The following LONP2 variants were observed in gnomAD, a reference collection of about 807,000 sequenced individuals.
The protein encoded by LONP2 is lon peptidase 2, peroxisomal.
Under a neutral mutation model 85.6 loss-of-function variants are expected in LONP2, and 60 were observed. That is an observed-to-expected ratio of 0.70 (90% confidence interval 0.57 to 0.87). LONP2 has a LOEUF of 0.87. Among genes scored for constraint, LONP2 ranks in the 40% least tolerant of loss-of-function variants. LONP2 has a pLI of 0.00. For missense variants in LONP2, 860 were observed against 1,063.5 expected (o/e 0.81, Z 2.66); for synonymous variants, 395 against 389.7 (o/e 1.01, Z -0.16).
At chr16:48,250,782 C>G (rs1971625372) in intron 1 of LONP2, among the ~76,000 whole-genome samples, 1 of 152,198 alleles carries the variant, frequency 6.6e-6, no homozygotes. Flanking sequence ...TGGCTCACTT[C>G]CTCAGGCAAT....
chr16:48,338,894 C>G (rs1416678713), intron 12 of LONP2, among the ~76,000 whole-genome samples: 1 of 152,012 alleles, frequency 6.6e-6, no homozygotes, highest in African/African-American at 2.4e-5. Context: ...GGTGACAGAA[C>G]AAGACCCTGT....
chr16:48,290,603 G>A (rs1972540314), intron 8 of LONP2, among the ~76,000 whole-genome samples: 1 of 152,130 alleles, frequency 6.6e-6, no homozygotes, highest in East Asian at 1.9e-4. Context: ...CAATTTACTT[G>A]CATTTACTGG....
chr16:48,348,893 A>T (rs1960055969), intron 14 of LONP2, among the ~76,000 whole-genome samples: 2 of 152,192 alleles, frequency 1.3e-5, no homozygotes, highest in Admixed American at 6.5e-5. Context: ...GTTCTACTTG[A>T]CAAATTGTTA....
At chr16:48,289,778 T>C (rs1972522561) in intron 8 of LONP2, among the ~76,000 whole-genome samples, 1 of 152,222 alleles carries the variant, frequency 6.6e-6, no homozygotes, top group Non-Finnish European at 1.5e-5. Context: ...ATACTAATAT[T>C]TTCTACTTGC....
intron 12 of LONP2, 70 bp from the exon 13 acceptor site, chr16:48,347,437 G>A: frequency 2.0e-6 from 3 of 1,484,548 alleles, no homozygotes; most frequent in Non-Finnish European, 2.8e-6. Context: ...GCCGACTCTT[G>A]CAGGATTGTG....
intron 9 of LONP2, among the ~76,000 whole-genome samples, chr16:48,297,094 G>A (rs894786334): frequency 6.6e-6 from 1 of 151,588 alleles, no homozygotes; most frequent in Non-Finnish European, 1.5e-5. Flanking sequence ...TGCAGCCTCC[G>A]CCTCCGAAGT....
chr16:48,330,597 T>C (rs1959406936), intron 11 of LONP2, among the ~76,000 whole-genome samples: 1 of 152,192 alleles, frequency 6.6e-6, no homozygotes, highest in Non-Finnish European at 1.5e-5. Context: ...GTTGGTTGTT[T>C]GTTTTATAAT....
In LONP2 at chr16:48,355,976, A is replaced by G. The variant is rs1190254924; in HGVS notation, c.*4174A>G. On this transcript the variant is annotated 3_prime_UTR_variant, in exon 15 of 15. Coordinates refer to ENST00000285737, the MANE Select transcript of LONP2 (RefSeq NM_031490.5). ...TGCTTTGCTTATCAAGAAATCCTAC[A>G]CTGTCCACTGGAGACATCCATGTTT... 8 of 152,148 alleles carry G rather than the reference A, an allele frequency of 5.3e-5. No homozygotes were observed. The highest frequency in any genetic ancestry group is 5.2e-4 in the Admixed American group (8 of 15,258). 9.4% of individuals were successfully genotyped at this position (152,148 alleles called of 1,614,324 possible).
At chr16:48,252,887 C>A (rs1971683825) in intron 2 of LONP2, among the ~76,000 whole-genome samples, 1 of 152,158 alleles carries the variant, frequency 6.6e-6, no homozygotes, top group Admixed American at 6.5e-5. Context: ...AATTCTAGTT[C>A]TTTTTGGTTA....
At chr16:48,306,558 A>G (rs1031513363) in intron 11 of LONP2, among the ~76,000 whole-genome samples, 1 of 152,200 alleles carries the variant, frequency 6.6e-6, no homozygotes, top group Non-Finnish European at 1.5e-5. Flanking sequence ...TAGAATAAAT[A>G]CTTGTCTCTT....
downstream of LONP2, chr16:48,361,717 C>A: frequency 1.2e-6 from 2 of 1,614,210 alleles, no homozygotes; most frequent in Non-Finnish European, 1.7e-6. Flanking sequence ...CGAGGAGTCG[C>A]TTCCCAAGTC....
chr16:48,272,446 A>G (rs1186368554), intron 7 of LONP2, among the ~76,000 whole-genome samples: 1 of 152,160 alleles, frequency 6.6e-6, no homozygotes, highest in Non-Finnish European at 1.5e-5. Flanking sequence ...TTACTGACAT[A>G]TAAAATTTGT....
At position 48,268,404 on chromosome 16, in the gene LONP2, C is replaced by A. The variant is rs575501244; in HGVS notation, c.983-1612C>A. On this transcript the variant is annotated intron_variant, in intron 6 of 14. Transcript: ENST00000285737. Reference sequence around the variant, plus strand: ...ATGGATAACGCATTATAACAAGTACCTTTTTAGGTACAAGATGATATTTTG... The same window carrying A: ...ATGGATAACGCATTATAACAAGTACATTTTTAGGTACAAGATGATATTTTG... Among the ~76,000 whole-genome samples, 10 of 152,162 alleles carry A rather than the reference C, an allele frequency of 6.6e-5. No individual in the cohort carries two copies. The South Asian group carries it at 1.9e-3, about 28-fold the overall frequency.
At chr16:48,254,495 C>G (rs1484743695) in intron 2 of LONP2, among the ~76,000 whole-genome samples, 2 of 152,048 alleles carry the variant, frequency 1.3e-5, no homozygotes, top group Non-Finnish European at 2.9e-5. Flanking sequence ...TCCCAAGTAG[C>G]TGGCATTACA....
Position 48,309,905 on chromosome 16 carries a change from T to C in LONP2, c.1795+6600T>C, listed in dbSNP as rs968425905. Among the ~76,000 whole-genome samples the C allele has an allele frequency of 6.6e-5, 10 of 152,292 alleles. No individual in the cohort carries two copies. In the South Asian group the frequency reaches 2.1e-3, roughly 32 times the overall value. On this transcript the variant is annotated intron_variant, in intron 11 of 14. Coordinates refer to ENST00000285737, the MANE Select transcript of LONP2 (RefSeq NM_031490.5). ...TCTTTGTTGACTTTGTCTGTCTCAGTGTTGAAGTCCCACATTTTGTATTGC... is the reference window on the plus strand; with the variant it reads ...TCTTTGTTGACTTTGTCTGTCTCAGCGTTGAAGTCCCACATTTTGTATTGC...
At chr16:48,262,690 A>G in intron 5 of LONP2, 88 bp from the exon 6 acceptor site, 1 of 784,774 alleles carries the variant, frequency 1.3e-6, no homozygotes, top group Non-Finnish European at 2.1e-6. Flanking sequence ...TGATATATCT[A>G]ACCAAGAAAG....
chr16:48,252,504 G>T, intron 2 of LONP2, 139 bp downstream of exon 2: 1 of 512,270 alleles, frequency 2.0e-6, no homozygotes. Context: ...TATTAATTCT[G>T]ATTTACTCTT....
chr16:48,353,184 TAA>T lies in LONP2; in HGVS notation c.*1384_*1385del, dbSNP rs1960203994. ...ATTACACAATATAAGAATATGTATG[TAA>T]AGACATTTTGGAATTTCCTGGATGA... On this transcript the variant is annotated 3_prime_UTR_variant, in exon 15 of 15. Transcript: ENST00000285737. 2 of 152,188 alleles carry T rather than the reference TAA, an allele frequency of 1.3e-5. No individual in the cohort carries two copies. 9.4% of individuals were successfully genotyped at this position (152,188 alleles called of 1,614,324 possible). A position where few individuals can be genotyped will look rare whatever the true frequency, so the allele number is the denominator to read the frequency against.
chr16:48,347,575 C>G lies in LONP2; in HGVS notation c.2007C>G (p.Ile669Met), dbSNP rs1960006781. 6.2e-7 allele frequency: 1 copy of G among 1,613,728 alleles called. No homozygotes were observed. Among genetic ancestry groups the G allele is most frequent in the Non-Finnish European group, 8.5e-7 (1 of 1,179,680 alleles). Residue 669 changes from isoleucine to methionine, a missense_variant, in exon 13 of 15, where the codon ATC becomes ATG. Ile to Met is a conservative substitution (Grantham distance 10). Around this residue, in one of 3 missense-constraint regions of LONP2, gnomAD observed 743 missense variants for 917.3 expected, o/e 0.81. Transcript: ENST00000285737. ...GLAWTPLGGE[I>M]MFVEASRMDG... ...CTTGGACTCCCTTAGGTGGAGAAAT[C>G]ATGTTCGTGGAGGCGAGTCGAATGG...
Sources: gnomAD v4.1 joint callset for allele counts (sites outside exome capture counted in the v4.1 genomes callset) on GRCh38, gnomAD v4.1.1 for gene constraint, gnomAD v4.1.1 regional missense constraint, MANE v1.5 for transcripts, NCBI Gene and HGNC (gene_info 2026-07-23, HGNC 2026-07-21) for gene names.